Variants in BRD10 observed in about 807,000 individuals in gnomAD.
BRD10 encodes uncharacterized bromodomain-containing protein 10.
the BRD10 span, among the ~76,000 whole-genome samples, chr9:6,004,866 G>C: frequency 2.0e-5 from 3 of 152,120 alleles, no homozygotes; most frequent in African/African-American, 7.2e-5. Context: ...CAGATTTTAG[G>C]CTAGAAGAAC....
chr9:5,924,093 T>A, the BRD10 span, among the ~76,000 whole-genome samples: 2 of 152,196 alleles, frequency 1.3e-5, no homozygotes, highest in Non-Finnish European at 1.5e-5. Flanking sequence ...TAAGAACTTG[T>A]CAAATTCTAT....
the BRD10 span, among the ~76,000 whole-genome samples, chr9:5,948,882 A>G: frequency 1.3e-5 from 2 of 152,178 alleles, no homozygotes; most frequent in African/African-American, 4.8e-5. Flanking sequence ...GGCATCTGCT[A>G]AAACTATGCA....
chr9:5,982,385 C>G, the BRD10 span, among the ~76,000 whole-genome samples: 1 of 152,132 alleles, frequency 6.6e-6, no homozygotes, highest in South Asian at 2.1e-4. Context: ...GTTGTCCCCT[C>G]CAAAACTCGT....
chr9:5,931,490 G>C, the BRD10 span, among the ~76,000 whole-genome samples: 798 of 152,190 alleles, frequency 5.2e-3, 3 homozygotes, highest in African/African-American at 0.018. Context: ...CTGTATATAA[G>C]GAAGGAAGCT....
At chr9:5,887,611 G>C in the BRD10 span, among the ~76,000 whole-genome samples, 1 of 152,186 alleles carries the variant, frequency 6.6e-6, no homozygotes, top group African/African-American at 2.4e-5. Flanking sequence ...TTGTAGACTA[G>C]TACTCACCAC....
chr9:5,986,704 T>C, the BRD10 span, among the ~76,000 whole-genome samples: 3 of 152,232 alleles, frequency 2.0e-5, no homozygotes, highest in Admixed American at 1.3e-4. Flanking sequence ...TTAATTCATA[T>C]AACTCCATTA....
chr9:5,997,376 T>A, the BRD10 span, among the ~76,000 whole-genome samples: 1 of 152,216 alleles, frequency 6.6e-6, no homozygotes, highest in Non-Finnish European at 1.5e-5. Flanking sequence ...GATGCAAATG[T>A]TGCTTCTGCT....
chr9:5,971,617 T>C, the BRD10 span, among the ~76,000 whole-genome samples: 1 of 152,240 alleles, frequency 6.6e-6, no homozygotes, highest in Non-Finnish European at 1.5e-5. Flanking sequence ...TGTCATACTA[T>C]AACTGTCATT....
At chr9:5,956,543 C>T in the BRD10 span, among the ~76,000 whole-genome samples, 1 of 152,134 alleles carries the variant, frequency 6.6e-6, no homozygotes, top group Non-Finnish European at 1.5e-5. Context: ...GTATTACCTA[C>T]TCTGTGAGAA....
the BRD10 span, among the ~76,000 whole-genome samples, chr9:5,884,993 C>T: frequency 6.6e-6 from 1 of 152,168 alleles, no homozygotes; most frequent in Non-Finnish European, 1.5e-5. Flanking sequence ...CACTCAAGGC[C>T]AGCCCGAGGC....
At chr9:5,920,696 G>A in the BRD10 span, 4 of 1,613,934 alleles carry the variant, frequency 2.5e-6, no homozygotes, top group African/African-American at 4.0e-5. Flanking sequence ...TCCTGGTACT[G>A]CTGCCGAATG....
At chr9:5,914,088 C>G in the BRD10 span, 1 of 447,490 alleles carries the variant, frequency 2.2e-6, no homozygotes, top group East Asian at 7.2e-5. Context: ...AAAATGATCA[C>G]AATAGACAAA....
At chr9:5,921,916 G>A in the BRD10 span, 3 of 1,613,958 alleles carry the variant, frequency 1.9e-6, no homozygotes, top group South Asian at 1.1e-5. Flanking sequence ...ATGGGGCAAA[G>A]CTAGCTGGAA....
the BRD10 span, among the ~76,000 whole-genome samples, chr9:5,939,771 T>C: frequency 1.4e-4 from 21 of 152,306 alleles, no homozygotes; most frequent in South Asian, 2.3e-3. Context: ...CAGTTCTTTG[T>C]TGTGGAGAAA....
At chr9:5,912,149 G>T in the BRD10 span, among the ~76,000 whole-genome samples, 7 of 152,070 alleles carry the variant, frequency 4.6e-5, no homozygotes, top group African/African-American at 1.7e-4. Context: ...ATTGTAAATG[G>T]GATTACTTTC....
the BRD10 span, among the ~76,000 whole-genome samples, chr9:5,935,159 ATT>A: frequency 1.3e-5 from 2 of 152,130 alleles, no homozygotes; most frequent in Non-Finnish European, 2.9e-5. Context: ...AACATGAACT[ATT>A]ATATATGCTA....
the BRD10 span, among the ~76,000 whole-genome samples, chr9:5,980,713 T>C: frequency 3.3e-5 from 5 of 152,074 alleles, no homozygotes; most frequent in African/African-American, 9.7e-5. Flanking sequence ...TTTTAAAAAA[T>C]CTACTTTTTA....
the BRD10 span, among the ~76,000 whole-genome samples, chr9:5,923,950 C>G: frequency 3.3e-5 from 5 of 152,152 alleles, no homozygotes; most frequent in Non-Finnish European, 5.9e-5. Flanking sequence ...ATTTACATAA[C>G]GTAATCTGAT....
the BRD10 span, chr9:5,924,730 T>C: frequency 1.2e-6 from 2 of 1,605,522 alleles, no homozygotes; most frequent in East Asian, 2.2e-5. Flanking sequence ...ATTTCTCCCT[T>C]AGGAGAGTCT....
Sources: gnomAD v4.1 joint callset for allele counts (sites outside exome capture counted in the v4.1 genomes callset) on GRCh38, gnomAD v4.1.1 for gene constraint, MANE v1.5 for transcripts, NCBI Gene and HGNC (gene_info 2026-07-23, HGNC 2026-07-21) for gene names.